Variants in PTPRO observed in about 807,000 individuals in gnomAD.
The protein encoded by PTPRO is protein tyrosine phosphatase receptor type O.
PTPRO carries 62 observed loss-of-function variants against 145.2 expected under a neutral mutation model. The ratio of observed to expected loss-of-function variants is 0.43; its 90% CI spans 0.35 to 0.53. PTPRO has a LOEUF of 0.53. PTPRO is among the 20% of genes least tolerant of loss of function. PTPRO has a pLI of 0.01. For synonymous variants in PTPRO, 565 were observed against 514.7 expected (o/e 1.10, Z -1.32); for missense variants, 1,345 against 1,482.7 (o/e 0.91, Z 1.53).
chr12:15,408,349 T>C (rs1939702870), intron 1 of PTPRO, among the ~76,000 whole-genome samples: 1 of 152,220 alleles, frequency 6.6e-6, no homozygotes, highest in South Asian at 2.1e-4. Context: ...CTGGCCATAG[T>C]GTTACTTTAC....
chr12:15,395,562 G>A (rs761108170), intron 1 of PTPRO, among the ~76,000 whole-genome samples: 5 of 151,762 alleles, frequency 3.3e-5, no homozygotes, highest in African/African-American at 4.8e-5. Context: ...AGAATCATTG[G>A]TCTCTTATAT....
At chr12:15,532,835 T>C (rs370170824) in intron 12 of PTPRO, among the ~76,000 whole-genome samples, 2 of 152,206 alleles carry the variant, frequency 1.3e-5, no homozygotes, top group African/African-American at 4.8e-5. Context: ...TACTTGAAGA[T>C]TGAGCTCATA....
intron 8 of PTPRO, 69 bp downstream of exon 8, chr12:15,515,687 C>G (rs576450204): frequency 6.3e-7 from 1 of 1,588,446 alleles, no homozygotes; most frequent in East Asian, 2.2e-5. Context: ...GTGCAATGTG[C>G]GAGCTCAAAT....
intron 15 of PTPRO, among the ~76,000 whole-genome samples, chr12:15,553,783 G>C (rs1943538721): frequency 6.6e-6 from 1 of 152,180 alleles, no homozygotes; most frequent in African/African-American, 2.4e-5. Context: ...GTGGTAGCCA[G>C]GAATCCAGGC....
chr12:15,490,940 G>A lies in PTPRO; in HGVS notation c.350-6305G>A, dbSNP rs117831894. Among the ~76,000 whole-genome samples, 77 of 152,264 alleles carry A rather than the reference G, an allele frequency of 5.1e-4. No homozygotes were observed. In the East Asian group the frequency reaches 0.014, roughly 27 times the overall value. On this transcript the variant is annotated intron_variant, in intron 2 of 26. Coordinates refer to ENST00000281171, the MANE Select transcript of PTPRO (RefSeq NM_030667.3). ...ATAAGAATATTAAGGTGAGAATGGA[G>A]GCAGGGAGAATAATTTAGAAAGTTG... is the stretch of plus-strand genomic sequence containing the variant.
At chr12:15,528,341 C>T (rs1942886303) in intron 12 of PTPRO, among the ~76,000 whole-genome samples, 2 of 148,100 alleles carry the variant, frequency 1.4e-5, no homozygotes, top group South Asian at 4.3e-4. Flanking sequence ...ATGGTGAAAC[C>T]CTGTCTCTAA....
intron 1 of PTPRO, among the ~76,000 whole-genome samples, chr12:15,438,860 C>A (rs185637570): frequency 3.3e-5 from 5 of 152,128 alleles, no homozygotes; most frequent in African/African-American, 1.2e-4. Context: ...CAGAGAATAC[C>A]TGTGAGATAC....
intron 1 of PTPRO, among the ~76,000 whole-genome samples, 168 bp from the exon 2 acceptor site, chr12:15,483,806 T>C (rs939131564): frequency 2.0e-5 from 3 of 152,148 alleles, no homozygotes; most frequent in Non-Finnish European, 2.9e-5. Context: ...CTGATTTTCT[T>C]TGTGTAACTA....
intron 19 of PTPRO, among the ~76,000 whole-genome samples, chr12:15,569,977 ACTT>A (rs1944004018): frequency 6.6e-6 from 1 of 152,178 alleles, no homozygotes; most frequent in Non-Finnish European, 1.5e-5. Context: ...CTGGCATTCT[ACTT>A]AATAACTTTT....
Position 15,515,670 on chromosome 12 carries a change from C to T in PTPRO, c.1585+52C>T, listed in dbSNP as rs187873272. 194 of 1,608,310 alleles carry T rather than the reference C, an allele frequency of 1.2e-4. No individual in the cohort carries two copies. In the African/African-American group the frequency reaches 1.3e-3, roughly 11 times the overall value. On this transcript the variant is annotated intron_variant, in intron 8 of 26. Coordinates refer to ENST00000281171, the MANE Select transcript of PTPRO (RefSeq NM_030667.3). Reference sequence around the variant, plus strand: ...ACTGACCTATATATTAGGGTATTGACGGAGGGGTGCAATGTGCGAGCTCAA... The same window carrying T: ...ACTGACCTATATATTAGGGTATTGATGGAGGGGTGCAATGTGCGAGCTCAA...
At chr12:15,420,987 G>A (rs1940128397) in intron 1 of PTPRO, among the ~76,000 whole-genome samples, 2 of 152,158 alleles carry the variant, frequency 1.3e-5, no homozygotes, top group African/African-American at 4.8e-5. Context: ...TCAAATATAT[G>A]CAAAATTAGA....
At position 15,410,315 on chromosome 12, in the gene PTPRO, A is replaced by G. The variant is rs539697330; in HGVS notation, c.76-73659A>G. The G allele has an allele frequency of 3.3e-5, 5 of 152,334 alleles. No individual in the cohort carries two copies. In the South Asian group the frequency reaches 1.0e-3, roughly 32 times the overall value. The allele number at this position is 152,334 out of a possible 1,614,324, so 9.4% of individuals were successfully genotyped here. A position where few individuals can be genotyped will look rare whatever the true frequency, so the allele number is the denominator to read the frequency against. The stretch of plus-strand genomic sequence containing the variant: ...GAGGATGTTTCCAGGAGAGATAAGT[A>G]TTGGAATTGATGGACCAAGTAAAGC... On this transcript the variant is annotated intron_variant, in intron 1 of 26. Coordinates refer to ENST00000281171, the MANE Select transcript of PTPRO (RefSeq NM_030667.3).
chr12:15,582,711 T>C (rs531039846), intron 23 of PTPRO, among the ~76,000 whole-genome samples: 1 of 152,226 alleles, frequency 6.6e-6, no homozygotes. Flanking sequence ...TGGGTTTTGT[T>C]TTGTTTTTTT....
At chr12:15,515,020 C>T (rs541311054) in intron 7 of PTPRO, among the ~76,000 whole-genome samples, 2 of 151,976 alleles carry the variant, frequency 1.3e-5, no homozygotes, top group East Asian at 1.9e-4. Flanking sequence ...CTGCCTTGGC[C>T]TCCCAAAGTG....
chr12:15,435,445 A>G (rs141927789), intron 1 of PTPRO, among the ~76,000 whole-genome samples: 1 of 152,294 alleles, frequency 6.6e-6, no homozygotes, highest in Non-Finnish European at 1.5e-5. Flanking sequence ...TAACTTATTT[A>G]TTAATGTCAA....
chr12:15,539,056 C>A (rs895859119), intron 12 of PTPRO, among the ~76,000 whole-genome samples: 2 of 151,670 alleles, frequency 1.3e-5, no homozygotes, highest in African/African-American at 4.8e-5. Flanking sequence ...TATATGACTC[C>A]TAACAAAATA....
At chr12:15,393,024 T>C (rs1939233872) in intron 1 of PTPRO, among the ~76,000 whole-genome samples, 1 of 152,210 alleles carries the variant, frequency 6.6e-6, no homozygotes, top group Non-Finnish European at 1.5e-5. Context: ...TTATTTCTAA[T>C]TGTCTTTCTT....
At chr12:15,372,544 T>C (rs944916486) in intron 1 of PTPRO, among the ~76,000 whole-genome samples, 4 of 152,258 alleles carry the variant, frequency 2.6e-5, no homozygotes, top group African/African-American at 9.6e-5. Context: ...CTTCTCTAAT[T>C]AAAACCACTA....
At chr12:15,463,710 C>T (rs1043163704) in intron 1 of PTPRO, among the ~76,000 whole-genome samples, 1 of 152,170 alleles carries the variant, frequency 6.6e-6, no homozygotes, top group Admixed American at 6.5e-5. Flanking sequence ...CATCTGATTC[C>T]TCCTTCCTCC....
Sources: allele counts gnomAD v4.1 joint callset (sites outside exome capture counted in the v4.1 genomes callset), GRCh38; gene constraint gnomAD v4.1.1; transcripts MANE v1.5; gene names NCBI Gene and HGNC (gene_info 2026-07-23, HGNC 2026-07-21).